Variants in CEP83 observed in about 807,000 individuals in gnomAD.
The protein encoded by CEP83 is centrosomal protein 83.
In CEP83, 70 loss-of-function variants were observed where a neutral mutation model predicts 101.9. That is an observed-to-expected ratio of 0.69 (90% CI 0.57 to 0.84). The LOEUF is 0.84. CEP83 is among the 40% of genes least tolerant of loss of function. The pLI is 0.00. For synonymous variants in CEP83, 264 were observed against 267.9 expected (o/e 0.99, Z 0.14); for missense variants, 715 against 787.2 (o/e 0.91, Z 1.10).
intron 11 of CEP83, among the ~76,000 whole-genome samples, chr12:94,340,026 T>G (rs11107512): frequency 0.011 from 1,719 of 152,290 alleles, 25 homozygotes; most frequent in Non-Finnish European, 0.018. Context: ...GAAAGGTGGA[T>G]ATATTAAATG....
At position 94,404,196 on chromosome 12, in the gene CEP83, T is replaced by C. The variant is rs113904651; in HGVS notation, c.325-934A>G. Among the ~76,000 whole-genome samples the C allele has an allele frequency of 6.5e-3, 988 of 152,138 alleles. 15 individuals are homozygous for C. The highest frequency in any genetic ancestry group is 0.023 in the African/African-American group (940 of 41,496). On this transcript the variant is annotated intron_variant, in intron 4 of 16. Transcript: ENST00000397809. Reference sequence around the variant, plus strand: ...CTCACATGAAGCACATATCTCCCCATAAAAACTTCAAACTCTGGTGTTAAA... The same window carrying C: ...CTCACATGAAGCACATATCTCCCCACAAAAACTTCAAACTCTGGTGTTAAA...
intron 14 of CEP83, among the ~76,000 whole-genome samples, chr12:94,317,840 AG>A (rs1970964564): frequency 6.6e-6 from 1 of 152,138 alleles, no homozygotes; most frequent in African/African-American, 2.4e-5. Context: ...GTTTTAAGTC[AG>A]GTAGCATGAT....
rs1363497659 is a variant in CEP83 at position 94,310,079 on chromosome 12, T to C, written c.1840A>G (p.Arg614Gly). Residue 614 changes from arginine (R) to glycine (G), a missense_variant, in exon 16 of 17, where the codon AGG (arginine) becomes GGG (glycine). Transcript: ENST00000397809. ...ATATCTTTTAGTCTTTTTTGAAGCC[T>C]TGTATAGTCTTCAAAAGGAACATTT... ...RQNVPFEDYT[R>G]LQKRLKDIQR... 12 of 1,585,110 alleles carry C rather than the reference T, an allele frequency of 7.6e-6. No individual in the cohort carries two copies. Among genetic ancestry groups the C allele is most frequent in the Middle Eastern group, 1.8e-4 (1 of 5,658 alleles).
chr12:94,408,912 T>G (rs2063713813), intron 4 of CEP83, among the ~76,000 whole-genome samples: 1 of 152,150 alleles, frequency 6.6e-6, no homozygotes, highest in Non-Finnish European at 1.5e-5. Context: ...CATTTCATCC[T>G]TACAGTCATC....
the CEP83 span, among the ~76,000 whole-genome samples, chr12:94,283,727 G>A: frequency 6.6e-6 from 1 of 152,092 alleles, no homozygotes; most frequent in Non-Finnish European, 1.5e-5. Flanking sequence ...AGTTCCTGGG[G>A]TGGGGGCCAC....
At chr12:94,423,690 G>A (rs2064959611) in intron 2 of CEP83, 1 of 1,591,858 alleles carries the variant, frequency 6.3e-7, no homozygotes, top group Non-Finnish European at 8.6e-7. Flanking sequence ...GGGAGCATGA[G>A]TATCTCCAAG....
chr12:94,339,652 T>A (rs2059596184), intron 11 of CEP83, among the ~76,000 whole-genome samples: 1 of 152,206 alleles, frequency 6.6e-6, no homozygotes. Flanking sequence ...GAAGTTGTAT[T>A]TTTCTACTGT....
the CEP83 span, among the ~76,000 whole-genome samples, chr12:94,279,054 C>T: frequency 6.6e-6 from 1 of 151,916 alleles, no homozygotes; most frequent in Non-Finnish European, 1.5e-5. Context: ...CCTTCCCTGT[C>T]ACCTAGAACT....
Position 94,307,820 on chromosome 12 carries a change from G to C in CEP83, c.*993C>G, listed in dbSNP as rs747227136. 5.3e-5 allele frequency: 8 copies of C among 151,920 alleles called. No individual in the cohort carries two copies. The highest frequency in any genetic ancestry group is 7.4e-5 in the Non-Finnish European group (5 of 67,996). 9.4% of individuals were successfully genotyped at this position (151,920 alleles called of 1,614,324 possible). ...ATTATGTAGTAAGTAAACCTAGTTT[G>C]CTAAATGGTGCTAAGGACTGCTCAA... is the stretch of plus-strand genomic sequence containing the variant. On this transcript the variant is annotated 3_prime_UTR_variant, in exon 17 of 17. Transcript: ENST00000397809.
chr12:94,445,870 T>C (rs1411465556), intron 1 of CEP83, among the ~76,000 whole-genome samples: 4 of 152,230 alleles, frequency 2.6e-5, no homozygotes, highest in Non-Finnish European at 5.9e-5. Context: ...TGTCCAGGGT[T>C]GGTTCTGTGC....
At position 94,348,532 on chromosome 12, in the gene CEP83, A is replaced by G. The variant is rs183766635; in HGVS notation, c.1344-12868T>C. Among the ~76,000 whole-genome samples, 6 of 152,196 alleles carry G rather than the reference A, an allele frequency of 3.9e-5. No homozygotes were observed. The East Asian group carries it at 1.2e-3, about 29-fold the overall frequency. The stretch of plus-strand genomic sequence containing the variant: ...TCTCAAGCAGATTGTGACATGCGAC[A>G]AAAAGTGGATTTCATACGACTACCG... On this transcript the variant is annotated intron_variant, in intron 11 of 16. Transcript: ENST00000397809.
chr12:94,313,555 G>T (rs1970201686), intron 14 of CEP83, among the ~76,000 whole-genome samples: 1 of 150,648 alleles, frequency 6.6e-6, no homozygotes, highest in South Asian at 2.1e-4. Context: ...AAAAGGGTGG[G>T]GAGCCAGGCA....
At chr12:94,376,096 T>C in intron 7 of CEP83, 79 bp from the exon 8 acceptor site, 3 of 851,030 alleles carry the variant, frequency 3.5e-6, no homozygotes, top group South Asian at 3.3e-5. Context: ...TTAAAATACA[T>C]TTATAATTAT....
intron 6 of CEP83, among the ~76,000 whole-genome samples, chr12:94,398,014 G>A (rs565975175): frequency 6.6e-6 from 1 of 152,274 alleles, no homozygotes; most frequent in East Asian, 1.9e-4. Context: ...TCGAGACTCA[G>A]GTATAGGGCA....
chr12:94,398,025 T>C (rs2063008396), intron 6 of CEP83, among the ~76,000 whole-genome samples: 2 of 152,154 alleles, frequency 1.3e-5, no homozygotes, highest in Admixed American at 1.3e-4. Flanking sequence ...GTATAGGGCA[T>C]ATAGAATACG....
At position 94,327,403 on chromosome 12, in the gene CEP83, G is replaced by A. The variant is rs113024693; in HGVS notation, c.1707+4297C>T. ...TGTTCACCACCACACCTAGCTCCTC[G>A]TTCTAAGTAAACTTAGTATTCTTCA... On this transcript the variant is annotated intron_variant, in intron 14 of 16. Transcript: ENST00000397809. 4.1e-3 allele frequency among the ~76,000 whole-genome samples: 629 copies of A among 152,110 alleles called. 3 individuals are homozygous for A. The highest frequency in any genetic ancestry group is 0.013 in the African/African-American group (559 of 41,496).
intron 1 of CEP83, among the ~76,000 whole-genome samples, chr12:94,435,812 C>T (rs1304472031): frequency 6.6e-6 from 1 of 152,192 alleles, no homozygotes; most frequent in Non-Finnish European, 1.5e-5. Context: ...CAACTTCAAC[C>T]GCTAGCCTAA....
chr12:94,452,758 G>A (rs1471587081), intron 1 of CEP83, among the ~76,000 whole-genome samples: 1 of 152,130 alleles, frequency 6.6e-6, no homozygotes, highest in Admixed American at 6.5e-5. Flanking sequence ...AGAAGGGTAT[G>A]TAGTTCAGAA....
intron 2 of CEP83, among the ~76,000 whole-genome samples, chr12:94,425,345 A>T (rs1419382215): frequency 6.6e-6 from 1 of 152,206 alleles, no homozygotes; most frequent in East Asian, 1.9e-4. Context: ...AATCAGATCA[A>T]GCTCTGGCAT....
Sources: gnomAD v4.1 joint callset for allele counts (sites outside exome capture counted in the v4.1 genomes callset) on GRCh38, gnomAD v4.1.1 for gene constraint, MANE v1.5 for transcripts, NCBI Gene and HGNC (gene_info 2026-07-23, HGNC 2026-07-21) for gene names.